Variants in ARL3 observed in about 807,000 individuals in gnomAD.
ARL3 encodes ADP-ribosylation factor-like protein 3.
ARL3 carries 9 observed loss-of-function variants against 26.0 expected under a neutral mutation model. The ratio of observed to expected loss-of-function variants is 0.35; its 90% CI spans 0.21 to 0.60. ARL3 has a LOEUF of 0.60. Among genes scored for constraint, ARL3 ranks in the 20% least tolerant of loss-of-function variants. The pLI is 0.78. For synonymous variants in ARL3, 71 were observed against 78.4 expected, an observed-to-expected ratio of 0.91 and a Z score of 0.50; for missense variants, 158 against 215.7, an observed-to-expected ratio of 0.73 and a Z score of 1.67.
chr10:102,687,876 T>C (rs1197691739), intron 4 of ARL3, among the ~76,000 whole-genome samples: 1 of 152,082 alleles, frequency 6.6e-6, no homozygotes, highest in East Asian at 1.9e-4. Flanking sequence ...AAGAAGTGGT[T>C]TGAGATTCAA....
At chr10:102,712,075 G>A (rs1333180568) in intron 1 of ARL3, among the ~76,000 whole-genome samples, 3 of 152,100 alleles carry the variant, frequency 2.0e-5, no homozygotes, top group African/African-American at 7.2e-5. Flanking sequence ...GGTTAGTTAC[G>A]TGCTAAAATT....
At chr10:102,712,844 G>A (rs1050344716) in intron 1 of ARL3, among the ~76,000 whole-genome samples, 3 of 152,004 alleles carry the variant, frequency 2.0e-5, no homozygotes, top group African/African-American at 2.4e-5. Context: ...GACAGCTCAC[G>A]TATAAATGAT....
Position 102,712,481 on chromosome 10 carries a change from GA to G in ARL3, c.3+1791del, listed in dbSNP as rs200963288. 1.9e-3 allele frequency among the ~76,000 whole-genome samples: 296 copies of G among 152,140 alleles called. 9 individuals carry two copies. The highest frequency in any genetic ancestry group is 0.015 in the Admixed American group (222 of 15,286). On this transcript the variant is annotated intron_variant, in intron 1 of 5. Transcript: ENST00000260746. The stretch of plus-strand genomic sequence containing the variant: ...TCTTATTGTTCATCTTAGGAAAAAG[GA>G]AAAAAGAAAAACAAAATCTGTTTTC...
chr10:102,701,706 G>T (rs2064280346), intron 2 of ARL3, among the ~76,000 whole-genome samples: 1 of 152,096 alleles, frequency 6.6e-6, no homozygotes, highest in African/African-American at 2.4e-5. Flanking sequence ...AAGTAACAGT[G>T]AATCTTGGAA....
intron 5 of ARL3, among the ~76,000 whole-genome samples, chr10:102,683,828 G>T (rs2064168360): frequency 1.3e-5 from 2 of 152,066 alleles, no homozygotes; most frequent in South Asian, 2.1e-4. Flanking sequence ...AGGGCTGGGG[G>T]TTGGGAAGAA....
At chr10:102,700,316 A>G (rs576153713) in intron 2 of ARL3, among the ~76,000 whole-genome samples, 2 of 148,684 alleles carry the variant, frequency 1.3e-5, no homozygotes, top group East Asian at 4.2e-4. Flanking sequence ...TGCCGAGGCA[A>G]GAGAATCACT....
chr10:102,683,035 G>C (rs1445220973), intron 5 of ARL3, among the ~76,000 whole-genome samples: 1 of 152,146 alleles, frequency 6.6e-6, no homozygotes, highest in Non-Finnish European at 1.5e-5. Context: ...TTCAGTTTTA[G>C]AATATTTTTA....
In ARL3 at chr10:102,676,688, C is replaced by A; in HGVS notation, c.*206G>T. The stretch of plus-strand genomic sequence containing the variant: ...TTATGCAGAGGAAATAATATAATTC[C>A]TTTATTTGAAAAATGATACTGAACC... On this transcript the variant is annotated 3_prime_UTR_variant, in exon 6 of 6. Coordinates refer to ENST00000260746, the MANE Select transcript of ARL3 (RefSeq NM_004311.4). The A allele has an allele frequency of 1.9e-6, 1 of 539,174 alleles. No individual in the cohort carries two copies. Among genetic ancestry groups the A allele is most frequent in the Non-Finnish European group, 3.3e-6 (1 of 302,008 alleles). 33.4% of individuals were successfully genotyped at this position (539,174 alleles called of 1,614,324 possible).
At chr10:102,700,814 C>T (rs565710951) in intron 2 of ARL3, among the ~76,000 whole-genome samples, 134 of 143,756 alleles carry the variant, frequency 9.3e-4, no homozygotes, top group African/African-American at 3.3e-3. Context: ...CTCGGCTCAC[C>T]GCAACCTCCA....
At chr10:102,695,137 C>T (rs2064239974) in intron 3 of ARL3, among the ~76,000 whole-genome samples, 1 of 152,230 alleles carries the variant, frequency 6.6e-6, no homozygotes, top group Admixed American at 6.5e-5. Context: ...TCCATATAAA[C>T]ATTAGAATCA....
At chr10:102,685,475 G>A (rs1034834515) in intron 5 of ARL3, among the ~76,000 whole-genome samples, 3 of 152,176 alleles carry the variant, frequency 2.0e-5, no homozygotes, top group African/African-American at 7.2e-5. Context: ...TATCACCTTG[G>A]AAGTACAGGC....
At chr10:102,707,747 T>C (rs2136009951) in intron 1 of ARL3, among the ~76,000 whole-genome samples, 1 of 152,360 alleles carries the variant, frequency 6.6e-6, no homozygotes, top group South Asian at 2.1e-4. Flanking sequence ...TGTACTGACT[T>C]GCTAAGGACC....
chr10:102,677,000 C>G, intron 5 of ARL3, 59 bp from the exon 6 acceptor site: 1 of 1,586,478 alleles, frequency 6.3e-7, no homozygotes. Flanking sequence ...ACCACACACT[C>G]TAGCCTGGAG....
intron 2 of ARL3, among the ~76,000 whole-genome samples, chr10:102,704,874 AG>A (rs2064300522): frequency 6.6e-6 from 1 of 151,644 alleles, no homozygotes; most frequent in South Asian, 2.1e-4. Context: ...TGGAGGCTGA[AG>A]CCCAGTGGGA....
intron 1 of ARL3, among the ~76,000 whole-genome samples, chr10:102,711,857 TAAC>T (rs1326319539): frequency 2.0e-5 from 3 of 152,150 alleles, no homozygotes; most frequent in Non-Finnish European, 4.4e-5. Flanking sequence ...GCATGACACA[TAAC>T]AGCCACTGAA....
At chr10:102,678,715 C>T (rs183127117) in intron 5 of ARL3, among the ~76,000 whole-genome samples, 1 of 152,222 alleles carries the variant, frequency 6.6e-6, no homozygotes, top group Non-Finnish European at 1.5e-5. Flanking sequence ...TTGCATATAA[C>T]TGAACATGAA....
chr10:102,711,964 T>C (rs969785008), intron 1 of ARL3, among the ~76,000 whole-genome samples: 1 of 152,160 alleles, frequency 6.6e-6, no homozygotes, highest in Non-Finnish European at 1.5e-5. Context: ...GGAACAATCT[T>C]CAAATGTTGA....
At chr10:102,679,118 C>G (rs1187912628) in intron 5 of ARL3, among the ~76,000 whole-genome samples, 1 of 152,158 alleles carries the variant, frequency 6.6e-6, no homozygotes, top group African/African-American at 2.4e-5. Flanking sequence ...TGGCATCTTT[C>G]TTGTGCTGGG....
chr10:102,706,266 A>G (rs1327538227), intron 1 of ARL3, among the ~76,000 whole-genome samples: 4 of 152,150 alleles, frequency 2.6e-5, no homozygotes, highest in Non-Finnish European at 4.4e-5. Flanking sequence ...CCTGGCTAAC[A>G]CGGTGAAACC....
Sources: gnomAD v4.1 joint callset for allele counts (sites outside exome capture counted in the v4.1 genomes callset) on GRCh38, gnomAD v4.1.1 for gene constraint, MANE v1.5 for transcripts, NCBI Gene and HGNC (gene_info 2026-07-23, HGNC 2026-07-21) for gene names.